The following JMJD1C variants were observed in gnomAD, a reference collection of about 807,000 sequenced individuals.
JMJD1C encodes the protein jumonji domain containing 1C, also known as jumonji domain-containing protein 1C.
JMJD1C carries 31 observed loss-of-function variants against 245.3 expected under a neutral mutation model. That is an observed-to-expected ratio of 0.13 (90% CI 0.09 to 0.17). JMJD1C has a LOEUF of 0.17. JMJD1C is among the 10% of genes least tolerant of loss of function. The pLI, the probability that JMJD1C is intolerant of heterozygous loss-of-function variation, is 1.00. For synonymous variants in JMJD1C, 1,057 were observed against 1,017.4 expected, an observed-to-expected ratio of 1.04 and a Z score of -0.74; for missense variants, 2,691 against 3,000.2, an observed-to-expected ratio of 0.90 and a Z score of 2.41.
intron 1 of JMJD1C, among the ~76,000 whole-genome samples, chr10:63,396,578 G>C (rs1355416299): frequency 6.6e-6 from 1 of 152,172 alleles, no homozygotes; most frequent in Admixed American, 6.6e-5. Flanking sequence ...GAATTTGGTT[G>C]AAAGAGAAAG....
chr10:63,193,079 G>T lies in JMJD1C; in HGVS notation c.5935C>A (p.Pro1979Thr). The T allele has an allele frequency of 6.2e-7, 1 of 1,614,062 alleles. No homozygotes were observed. The highest frequency in any genetic ancestry group is 8.5e-7 in the Non-Finnish European group (1 of 1,179,992). ...CCACCATTTTTCTCAGACTTCGGAG[G>T]AGTATTTTGCTGCTGAGACTCAGGC... ...CMPESQQQNT[P>T]PKSEKNGGSS... Residue 1979 changes from proline to threonine, a missense_variant, in exon 16 of 26, where the codon CCT becomes ACT. Around this residue, in one of 9 missense-constraint regions of JMJD1C, gnomAD observed 275 missense variants for 285.5 expected, o/e 0.96. Coordinates refer to ENST00000399262, the MANE Select transcript of JMJD1C (RefSeq NM_032776.3).
intron 1 of JMJD1C, among the ~76,000 whole-genome samples, chr10:63,446,191 T>A (rs901630680): frequency 2.0e-5 from 3 of 152,020 alleles, no homozygotes; most frequent in Non-Finnish European, 4.4e-5. Flanking sequence ...TCTGAATATG[T>A]TTTATAGATA....
Position 63,197,445 on chromosome 10 carries a change from A to G in JMJD1C, c.5610T>C (p.Asp1870=). 3 of 1,613,634 alleles carry G rather than the reference A, an allele frequency of 1.9e-6. No homozygotes were observed. The highest frequency in any genetic ancestry group is 1.3e-5 in the African/African-American group (1 of 75,012). ...TCTTCCTTTCCTTTGCCTTGTAACA[A>G]TCTAAGCAGACCACAAATCCACATT... ...CQKCGFVVCL[D]CYKAKERKSS... Residue 1870 remains aspartate (D), a synonymous_variant, in exon 13 of 26, where the codon GAT becomes GAC. Coordinates refer to ENST00000399262, the MANE Select transcript of JMJD1C (RefSeq NM_032776.3).
intron 2 of JMJD1C, among the ~76,000 whole-genome samples, chr10:63,265,325 AG>A (rs1219368400): frequency 6.8e-6 from 1 of 146,474 alleles, no homozygotes; most frequent in Admixed American, 7.0e-5. Flanking sequence ...AGAAGCATGG[AG>A]GAAGGGAGTA....
chr10:63,503,231 T>C (rs1047944927), intron 1 of JMJD1C, among the ~76,000 whole-genome samples: 26 of 152,214 alleles, frequency 1.7e-4, no homozygotes, highest in African/African-American at 6.3e-4. Context: ...CATTTAAATG[T>C]GAAATTCCCT....
intron 3 of JMJD1C, among the ~76,000 whole-genome samples, chr10:63,233,753 G>A (rs1027016185): frequency 8.3e-5 from 4 of 48,136 alleles, no homozygotes; most frequent in Admixed American, 1.5e-4. Flanking sequence ...CCACACACGC[G>A]CGTGCACACA....
chr10:63,423,053 C>T (rs1009556266), intron 1 of JMJD1C, among the ~76,000 whole-genome samples: 1 of 151,844 alleles, frequency 6.6e-6, no homozygotes, highest in African/African-American at 2.4e-5. Context: ...CAAACTTTGC[C>T]TCCTGGGTTC....
intron 24 of JMJD1C, among the ~76,000 whole-genome samples, chr10:63,171,188 AAAC>A (rs1842317902): frequency 6.6e-6 from 1 of 152,162 alleles, no homozygotes; most frequent in African/African-American, 2.4e-5. Flanking sequence ...CTTAAAAAAA[AAAC>A]AACTGTTGCT....
chr10:63,521,617 C>T (rs1445988466), intron 1 of JMJD1C: 10 of 1,371,734 alleles, frequency 7.3e-6, no homozygotes, highest in Non-Finnish European at 9.6e-6. Context: ...GGCGCGAGGC[C>T]CAGGGGAGCT....
At chr10:63,326,146 G>A (rs1689575379) in intron 2 of JMJD1C, among the ~76,000 whole-genome samples, 1 of 152,068 alleles carries the variant, frequency 6.6e-6, no homozygotes, top group Non-Finnish European at 1.5e-5. Context: ...TGTAATTGAC[G>A]GGGAAGCGTA....
intron 2 of JMJD1C, among the ~76,000 whole-genome samples, chr10:63,273,332 CAAGT>C (rs1856503954): frequency 6.6e-6 from 1 of 152,166 alleles, no homozygotes; most frequent in South Asian, 2.1e-4. Flanking sequence ...GCTGGGACTA[CAAGT>C]AAGTGCCACC....
chr10:63,486,246 G>C (rs1250402684), intron 1 of JMJD1C, among the ~76,000 whole-genome samples: 6 of 150,980 alleles, frequency 4.0e-5, no homozygotes, highest in Non-Finnish European at 8.8e-5. Flanking sequence ...CTGAAGCTTA[G>C]CACGTTTAAG....
chr10:63,286,812 G>A lies in JMJD1C; in HGVS notation c.334-22048C>T, dbSNP rs1858036985. 2.0e-5 allele frequency among the ~76,000 whole-genome samples: 3 copies of A among 152,136 alleles called. No homozygotes were observed. The South Asian group carries it at 6.2e-4, about 32-fold the overall frequency. Reference sequence around the variant, plus strand: ...GGAAAGTGGTAATGCTGCCTCCCCAGAATACACAGAAACAGAACGTAAGTA... The same window carrying A: ...GGAAAGTGGTAATGCTGCCTCCCCAAAATACACAGAAACAGAACGTAAGTA... On this transcript the variant is annotated intron_variant, in intron 2 of 25. Coordinates refer to ENST00000399262, the MANE Select transcript of JMJD1C (RefSeq NM_032776.3).
intron 2 of JMJD1C, among the ~76,000 whole-genome samples, chr10:63,306,293 T>A (rs1589435123): frequency 6.6e-6 from 1 of 152,300 alleles, no homozygotes. Flanking sequence ...TTTTACCATG[T>A]TAGCCAGGCT....
chr10:63,378,618 C>G (rs4360585), intron 2 of JMJD1C, among the ~76,000 whole-genome samples: 5 of 152,066 alleles, frequency 3.3e-5, no homozygotes, highest in African/African-American at 9.7e-5. Context: ...AAAGATTTTT[C>G]TAAAGCTTTA....
At chr10:63,380,966 CA>C (rs1449064782) in intron 1 of JMJD1C, among the ~76,000 whole-genome samples, 2 of 152,194 alleles carry the variant, frequency 1.3e-5, no homozygotes, top group Non-Finnish European at 2.9e-5. Context: ...AGCTGCACAT[CA>C]GTGTTTATTG....
At chr10:63,203,202 ATGAATTTAACTGTCATAG>A (rs1337156160) in intron 10 of JMJD1C, 1 of 984,740 alleles carries the variant, frequency 1.0e-6, no homozygotes, top group African/African-American at 1.7e-5. Flanking sequence ...AACTCCTTTT[ATGAATTTAACTGTCATAG>A]TATTTGTACA....
At chr10:63,212,362 C>A (rs932054673) in intron 8 of JMJD1C, among the ~76,000 whole-genome samples, 13 of 152,060 alleles carry the variant, frequency 8.5e-5, no homozygotes, top group African/African-American at 2.7e-4. Context: ...AAAAGAGATT[C>A]TAGGGGATAC....
intron 5 of JMJD1C, among the ~76,000 whole-genome samples, chr10:63,216,785 T>C (rs537833005): frequency 2.6e-5 from 4 of 152,302 alleles, no homozygotes; most frequent in African/African-American, 9.6e-5. Flanking sequence ...TAAAACTTAA[T>C]TGAGCATACC....
Sources: allele counts gnomAD v4.1 joint callset (sites outside exome capture counted in the v4.1 genomes callset), GRCh38; gene constraint gnomAD v4.1.1; regional missense constraint gnomAD v4.1.1; transcripts MANE v1.5; gene names NCBI Gene and HGNC (gene_info 2026-07-23, HGNC 2026-07-21).